The following CDKL5 variants were observed in gnomAD, a reference collection of about 807,000 sequenced individuals.
CDKL5 encodes cyclin-dependent kinase-like 5.
A neutral mutation model predicts 61.7 loss-of-function variants in CDKL5; 8 were observed. The ratio of observed to expected loss-of-function variants is 0.13; its 90% confidence interval spans 0.08 to 0.23. The LOEUF (loss-of-function observed/expected upper bound fraction) is 0.23. CDKL5 is among the 10% of genes least tolerant of loss of function. The pLI, the probability that CDKL5 is intolerant of heterozygous loss-of-function variation, is 1.00. For synonymous variants in CDKL5, 275 were observed against 272.3 expected (o/e 1.01, Z -0.10); for missense variants, 440 against 734.5 (o/e 0.60, Z 4.63).
rs1163108288 is a variant in CDKL5, at chrX:18,633,724, G to C, written c.*4967G>C. ...TTTTTTTTTTCTTTGTGAATTGAAT[G>C]TACGATACAAATGGTAGGCCTTCAT... On this transcript the variant is annotated 3_prime_UTR_variant, in exon 18 of 18. Transcript: ENST00000623535. The C allele has an allele frequency of 1.3e-6, 1 of 750,405 alleles. No individual in the cohort carries two copies. The highest frequency in any genetic ancestry group is 2.3e-5 in the African/African-American group (1 of 42,809). 61.8% of individuals were successfully genotyped at this position (750,405 alleles called of 1,213,427 possible).
intron 1 of CDKL5, 149 bp downstream of exon 1, chrX:18,425,844 G>T (rs1449405171): frequency 1.8e-5 from 2 of 113,077 alleles, no homozygotes; most frequent in African/African-American, 3.2e-5. Flanking sequence ...CCCGGAACGG[G>T]GCGACGCGGT....
intron 3 of CDKL5, among the ~76,000 whole-genome samples, chrX:18,527,139 T>A (rs1923474727): frequency 8.9e-6 from 1 of 112,097 alleles, no homozygotes; most frequent in African/African-American, 3.2e-5. Flanking sequence ...GCGGATTTGA[T>A]TCCCTTAATA....
At chrX:18,476,824 T>C (rs1341577949) in intron 1 of CDKL5, among the ~76,000 whole-genome samples, 2 of 109,498 alleles carry the variant, frequency 1.8e-5, no homozygotes, top group Admixed American at 1.9e-4. Flanking sequence ...TGGAGTGCAG[T>C]GGTACAATCT....
At chrX:18,507,370 A>G (rs1200364401) in intron 2 of CDKL5, among the ~76,000 whole-genome samples, 2 of 110,843 alleles carry the variant, frequency 1.8e-5, no homozygotes, top group Admixed American at 9.7e-5. Context: ...AACCCTTTAA[A>G]GTTTAATAAA....
chrX:18,501,195 G>A (rs372847355), intron 1 of CDKL5, among the ~76,000 whole-genome samples: 1 of 110,656 alleles, frequency 9.0e-6, no homozygotes. Flanking sequence ...TTTTTGAGAC[G>A]GAGTTTTCAC....
At chrX:18,440,291 A>G (rs1304457389) in intron 1 of CDKL5, among the ~76,000 whole-genome samples, 1 of 112,097 alleles carries the variant, frequency 8.9e-6, no homozygotes, top group African/African-American at 3.2e-5. Context: ...CTTTACCAGT[A>G]GATTTCATCT....
chrX:18,485,716 A>T (rs1921765948), intron 1 of CDKL5, among the ~76,000 whole-genome samples: 1 of 111,636 alleles, frequency 9.0e-6, no homozygotes, highest in African/African-American at 3.3e-5. Context: ...CCTTATAGGG[A>T]ATCTTGGCTT....
chrX:18,486,914 T>C (rs1433092601), intron 1 of CDKL5, among the ~76,000 whole-genome samples: 8 of 110,774 alleles, frequency 7.2e-5, no homozygotes, highest in Non-Finnish European at 1.1e-4. Flanking sequence ...CTCTCCTCCT[T>C]CTCCATATTC....
chrX:18,433,296 A>G (rs1412445270), intron 1 of CDKL5, among the ~76,000 whole-genome samples: 2 of 110,501 alleles, frequency 1.8e-5, no homozygotes, highest in Non-Finnish European at 3.8e-5. Flanking sequence ...TCACGCCTGT[A>G]ATCCCTAGCA....
chrX:18,585,104 T>C (rs1383618591), intron 8 of CDKL5, among the ~76,000 whole-genome samples: 1 of 112,060 alleles, frequency 8.9e-6, no homozygotes, highest in African/African-American at 3.2e-5. Flanking sequence ...AGAGTAAATA[T>C]TGAACCAGAC....
At position 18,605,420 on chromosome X, in the gene CDKL5, T is replaced by G. The variant is rs1926329841; in HGVS notation, c.1944+552T>G. ...TTGTTTTTAAATCTTAAAACAGCAT[T>G]TTTAGCATAATGCTTCCTCCATCTT... On this transcript the variant is annotated intron_variant, in intron 12 of 17. Coordinates refer to ENST00000623535, the MANE Select transcript of CDKL5 (RefSeq NM_001323289.2). Among the ~76,000 whole-genome samples the G allele has an allele frequency of 2.7e-5, 3 of 112,054 alleles. No homozygotes were observed. The Admixed American group carries it at 2.8e-4, about 11-fold the overall frequency.
chrX:18,455,088 G>T (rs1332995120), intron 1 of CDKL5, among the ~76,000 whole-genome samples: 1 of 110,493 alleles, frequency 9.1e-6, no homozygotes, highest in Non-Finnish European at 1.9e-5. Context: ...GAAGTTCGGT[G>T]TCATCTTGTA....
At chrX:18,574,381 TC>T (rs1409475370) in intron 4 of CDKL5, among the ~76,000 whole-genome samples, 1 of 111,847 alleles carries the variant, frequency 8.9e-6, no homozygotes, top group Non-Finnish European at 1.9e-5. Context: ...GAAAAAGCTT[TC>T]AGTTTTTAGA....
chrX:18,637,593 A>G lies in CDKL5; in HGVS notation c.*8836A>G, dbSNP rs1030476541. Reference sequence around the variant, plus strand: ...AAATAAATAAATAAATCCCTAGGATATAGAGTCCGCTTGCCTGGGTGGAGT... The same window carrying G: ...AAATAAATAAATAAATCCCTAGGATGTAGAGTCCGCTTGCCTGGGTGGAGT... On this transcript the variant is annotated 3_prime_UTR_variant, in exon 18 of 18. Transcript: ENST00000623535. The G allele has an allele frequency of 3.6e-5, 4 of 110,372 alleles. No individual in the cohort carries two copies. The highest frequency in any genetic ancestry group is 1.3e-4 in the African/African-American group (4 of 30,270). 9.1% of individuals were successfully genotyped at this position (110,372 alleles called of 1,213,427 possible). A position where few individuals can be genotyped will look rare whatever the true frequency, so the allele number is the denominator to read the frequency against.
rs1479054834 is a variant in CDKL5, at chrX:18,650,452, C to T, written c.2840C>T (p.Pro947Leu). ...GGTGACCCAAAGAAGCCTCACACTC[C>T]GTGCGTCCCAAACCGAGCCCTTCAT... The change falls in exon 21 of 22, where the codon CCG (proline) becomes CTG (leucine). Residue 947 changes from proline to leucine, a missense_variant. Coordinates refer to the CDKL5 transcript ENST00000379989. 2 of 1,211,907 alleles carry T rather than the reference C, an allele frequency of 1.7e-6. No homozygotes were observed. The highest frequency in any genetic ancestry group is 2.2e-5 in the Admixed American group (1 of 46,072).
chrX:18,537,642 T>C (rs1213728040), intron 3 of CDKL5, among the ~76,000 whole-genome samples: 2 of 112,014 alleles, frequency 1.8e-5, no homozygotes, highest in Non-Finnish European at 3.8e-5. Context: ...TGCCTTTTTA[T>C]AGCCACAGCC....
In CDKL5 at chrX:18,593,741, A is replaced by G. The variant is rs761757432; in HGVS notation, c.745-1607A>G. Among the ~76,000 whole-genome samples the G allele has an allele frequency of 3.2e-4, 36 of 112,523 alleles. No individual in the cohort carries two copies. The South Asian group carries it at 5.8e-3, about 18-fold the overall frequency. ...ATATATCCAAAATGCCTCGCATAAC[A>G]TCACTTCCCTCAGAAATCAGTTTTA... On this transcript the variant is annotated intron_variant, in intron 9 of 17. Transcript: ENST00000623535.
At chrX:18,501,162 G>A (rs1036364178) in intron 1 of CDKL5, among the ~76,000 whole-genome samples, 1 of 110,059 alleles carries the variant, frequency 9.1e-6, no homozygotes, top group African/African-American at 3.3e-5. Flanking sequence ...CTGATTCCCA[G>A]TTTTTTTGTT....
intron 15 of CDKL5, among the ~76,000 whole-genome samples, chrX:18,615,482 A>G (rs1019275254): frequency 8.9e-5 from 10 of 111,949 alleles, no homozygotes; most frequent in Middle Eastern, 4.6e-3. Flanking sequence ...CAGTGGTGCA[A>G]TCTTGGCTAA....
Sources: allele counts gnomAD v4.1 joint callset (sites outside exome capture counted in the v4.1 genomes callset), GRCh38; gene constraint gnomAD v4.1.1; transcripts MANE v1.5; gene names NCBI Gene and HGNC (gene_info 2026-07-23, HGNC 2026-07-21).